MDGA2: variants seen among roughly 807,000 people sequenced by gnomAD.
MDGA2 encodes the protein MAM domain-containing glycosylphosphatidylinositol anchor protein 2.
In MDGA2, 40 loss-of-function variants were observed where a neutral mutation model predicts 117.8. That is an observed-to-expected ratio of 0.34 (90% confidence interval 0.26 to 0.44). The LOEUF (loss-of-function observed/expected upper bound fraction) is 0.44, where lower values mean the gene tolerates loss of function less well. MDGA2 is among the 20% of genes least tolerant of loss of function. MDGA2 has a pLI of 1.00. For missense variants in MDGA2, 1,123 were observed against 1,250.6 expected (o/e 0.90, Z 1.54); for synonymous variants, 452 against 439.0 (o/e 1.03, Z -0.37).
intron 1 of MDGA2, among the ~76,000 whole-genome samples, chr14:47,486,111 A>T (rs1176034283): frequency 2.0e-5 from 3 of 152,174 alleles, no homozygotes; most frequent in Admixed American, 1.3e-4. Context: ...CAGACACTCA[A>T]TGGCGGTCTG....
chr14:47,596,492 G>A lies in MDGA2; in HGVS notation c.280+78025C>T, dbSNP rs1459696602. Among the ~76,000 whole-genome samples the A allele has an allele frequency of 5.3e-5, 8 of 152,030 alleles. No individual in the cohort carries two copies. In the East Asian group the frequency reaches 5.8e-4, roughly 11 times the overall value. ...GGACCACAGTAAAAGTATCATGCAC[G>A]TGACGTTTGTTTTTGACCATTATCC... On this transcript the variant is annotated intron_variant, in intron 1 of 16. Coordinates refer to ENST00000399232, the MANE Select transcript of MDGA2 (RefSeq NM_001113498.3).
intron 1 of MDGA2, among the ~76,000 whole-genome samples, chr14:47,334,317 G>A (rs546526494): frequency 9.2e-5 from 14 of 151,878 alleles, no homozygotes; most frequent in South Asian, 2.1e-4. Flanking sequence ...AATCCTTTTC[G>A]TAGGAAATCT....
Position 47,586,717 on chromosome 14 carries a change from T to C in MDGA2, c.280+87800A>G, listed in dbSNP as rs148619221. ...TCCTCACACCCACCCTCCATGAGGG[T>C]TGAAAGAAAGCCCTTCAAAAGCCAA... On this transcript the variant is annotated intron_variant, in intron 1 of 16. Coordinates refer to ENST00000399232, the MANE Select transcript of MDGA2 (RefSeq NM_001113498.3). Among the ~76,000 whole-genome samples, 600 of 151,938 alleles carry C rather than the reference T, an allele frequency of 3.9e-3. 3 individuals carry two copies. The highest frequency in any genetic ancestry group is 7.1e-3 in the Non-Finnish European group (479 of 67,886).
At chr14:47,269,751 C>T (rs1428048936) in intron 2 of MDGA2, among the ~76,000 whole-genome samples, 1 of 152,154 alleles carries the variant, frequency 6.6e-6, no homozygotes, top group East Asian at 1.9e-4. Context: ...TTTGTGAGTA[C>T]TGAGATGAGA....
At chr14:47,089,149 T>C (rs113539250) in intron 6 of MDGA2, among the ~76,000 whole-genome samples, 21 of 152,234 alleles carry the variant, frequency 1.4e-4, no homozygotes, top group African/African-American at 4.6e-4. Context: ...CCCTAGTACA[T>C]CTTTGGCAAT....
chr14:47,609,547 ATG>A (rs1896810339), intron 1 of MDGA2, among the ~76,000 whole-genome samples: 1 of 147,334 alleles, frequency 6.8e-6, no homozygotes, highest in Non-Finnish European at 1.5e-5. Context: ...TGCTATAAAA[ATG>A]TGTGTGCTAG....
At chr14:47,282,201 ATTCT>A (rs746926278) in intron 2 of MDGA2, among the ~76,000 whole-genome samples, 13 of 152,112 alleles carry the variant, frequency 8.5e-5, no homozygotes, top group South Asian at 2.1e-4. Flanking sequence ...GTGGCCATTC[ATTCT>A]TTTTGTTGTT....
intron 5 of MDGA2, among the ~76,000 whole-genome samples, chr14:47,115,229 A>G (rs989272068): frequency 6.6e-6 from 1 of 151,884 alleles, no homozygotes; most frequent in Non-Finnish European, 1.5e-5. Context: ...TAAGAATATA[A>G]TATCTTGATT....
At chr14:47,467,474 T>G (rs986145010) in intron 1 of MDGA2, among the ~76,000 whole-genome samples, 2 of 152,142 alleles carry the variant, frequency 1.3e-5, no homozygotes, top group Non-Finnish European at 2.9e-5. Flanking sequence ...CCCTCCTCCG[T>G]TCATTAATAT....
At chr14:47,288,263 T>A (rs1260244665) in intron 2 of MDGA2, among the ~76,000 whole-genome samples, 1 of 152,172 alleles carries the variant, frequency 6.6e-6, no homozygotes, top group Non-Finnish European at 1.5e-5. Context: ...GTAGCAGACA[T>A]CATGCTTTTG....
At chr14:46,962,954 T>C (rs544725543) in intron 8 of MDGA2, among the ~76,000 whole-genome samples, 6 of 152,278 alleles carry the variant, frequency 3.9e-5, no homozygotes, top group African/African-American at 1.4e-4. Flanking sequence ...GAGCTGCATG[T>C]TTTAGAGAAC....
At chr14:47,600,704 T>A (rs1896631900) in intron 1 of MDGA2, among the ~76,000 whole-genome samples, 1 of 150,632 alleles carries the variant, frequency 6.6e-6, no homozygotes, top group South Asian at 2.1e-4. Context: ...ACGAGTTGTG[T>A]CTTTTCTCAT....
At chr14:46,954,798 A>G (rs1566543359) in intron 9 of MDGA2, among the ~76,000 whole-genome samples, 1 of 152,138 alleles carries the variant, frequency 6.6e-6, no homozygotes, top group Non-Finnish European at 1.5e-5. Flanking sequence ...AGAGGGCACT[A>G]GCTAGCTTCC....
chr14:47,535,380 A>C (rs1359810717), intron 1 of MDGA2, among the ~76,000 whole-genome samples: 1 of 152,238 alleles, frequency 6.6e-6, no homozygotes, highest in Non-Finnish European at 1.5e-5. Flanking sequence ...TGGGAAATTA[A>C]GTCAAATGCA....
At chr14:47,439,747 A>G (rs1012109172) in intron 1 of MDGA2, among the ~76,000 whole-genome samples, 4 of 151,718 alleles carry the variant, frequency 2.6e-5, no homozygotes, top group Admixed American at 2.0e-4. Flanking sequence ...TTATTGTCCA[A>G]TCATGGCAGG....
At chr14:47,492,991 T>C (rs1385021998) in intron 1 of MDGA2, among the ~76,000 whole-genome samples, 2 of 152,096 alleles carry the variant, frequency 1.3e-5, no homozygotes, top group Non-Finnish European at 2.9e-5. Context: ...GCTACATTTA[T>C]CTTTTAATTA....
At chr14:46,926,520 T>C (rs1884338825) in intron 9 of MDGA2, among the ~76,000 whole-genome samples, 1 of 152,056 alleles carries the variant, frequency 6.6e-6, no homozygotes, top group African/African-American at 2.4e-5. Context: ...AGTGTTCACA[T>C]ACATAGACTG....
At chr14:47,551,807 T>C (rs948562481) in intron 1 of MDGA2, among the ~76,000 whole-genome samples, 1 of 152,158 alleles carries the variant, frequency 6.6e-6, no homozygotes, top group Non-Finnish European at 1.5e-5. Context: ...TTTCATGTAA[T>C]ACTTACGAGG....
chr14:47,008,793 A>G (rs1052551593), intron 8 of MDGA2, among the ~76,000 whole-genome samples: 2 of 151,976 alleles, frequency 1.3e-5, no homozygotes, highest in African/African-American at 4.8e-5. Context: ...ATTCTATCAG[A>G]TCTCACACTC....
Sources: gnomAD v4.1 joint callset for allele counts (sites outside exome capture counted in the v4.1 genomes callset) on GRCh38, gnomAD v4.1.1 for gene constraint, MANE v1.5 for transcripts, NCBI Gene and HGNC (gene_info 2026-07-23, HGNC 2026-07-21) for gene names.